KAT14: variants seen among roughly 807,000 people sequenced by gnomAD.
The protein encoded by KAT14 is lysine acetyltransferase 14, also known as cysteine-rich protein 2-binding protein.
Under a neutral mutation model 78.4 loss-of-function variants are expected in KAT14, and 66 were observed. The observed-to-expected ratio is 0.84, with a 90% CI of 0.69 to 1.03. The LOEUF (loss-of-function observed/expected upper bound fraction) is 1.03, where lower values mean the gene tolerates loss of function less well. Ranked by LOEUF, KAT14 falls within the 50% of genes least tolerant of loss-of-function variation. KAT14 has a pLI of 0.00. For synonymous variants in KAT14, 344 were observed against 359.4 expected (o/e 0.96, Z 0.48); for missense variants, 870 against 972.5 (o/e 0.89, Z 1.40).
intron 7 of KAT14, among the ~76,000 whole-genome samples, chr20:18,167,716 G>A (rs956344553): frequency 6.6e-6 from 1 of 151,972 alleles, no homozygotes; most frequent in Non-Finnish European, 1.5e-5. Context: ...GCTATGTTTT[G>A]GTAATTGATG....
intron 7 of KAT14, among the ~76,000 whole-genome samples, chr20:18,163,591 A>G (rs189559929): frequency 6.6e-6 from 1 of 152,114 alleles, no homozygotes. Flanking sequence ...TTTTATTTAT[A>G]TTTCTTTGGT....
intron 10 of KAT14, among the ~76,000 whole-genome samples, chr20:18,185,698 A>C (rs969684205): frequency 6.6e-6 from 1 of 152,138 alleles, no homozygotes; most frequent in Non-Finnish European, 1.5e-5. Context: ...TTTTTAGTCA[A>C]CTTTTACTTA....
chr20:18,184,485 G>GTT (rs374086894), intron 9 of KAT14, 117 bp from the exon 10 acceptor site: 8,257 of 598,160 alleles, frequency 0.014, 37 homozygotes, highest in Non-Finnish European at 0.017. Flanking sequence ...CAGTTTTGGT[G>GTT]TTTTTTTTTT....
intron 3 of KAT14, among the ~76,000 whole-genome samples, chr20:18,148,398 T>C (rs1465729155): frequency 6.6e-6 from 1 of 152,190 alleles, no homozygotes; most frequent in African/African-American, 2.4e-5. Context: ...AGTTTTTGCA[T>C]TCTTTTCCTG....
At position 18,162,942 on chromosome 20, in the gene KAT14, C is replaced by G. The variant is rs751054844; in HGVS notation, c.1665C>G (p.Tyr555Ter). Residue 555 changes from tyrosine to a stop codon, truncating the protein, a stop_gained, in exon 7 of 11, where the codon TAC (tyrosine) becomes TAG (stop). Coordinates refer to ENST00000688188, the MANE Select transcript of KAT14 (RefSeq NM_001392073.1). LOFTEE classifies it high-confidence loss of function. ...AGGACTTCAGAATCCTTGACCGATA[C>G]CAGGTGAATGCAAGCACTTGCTGTA... ...TCQDFRILDR[Y>*]QTSLPSRKGF... is the part of the protein sequence containing the mutation. 5 of 1,613,368 alleles carry G rather than the reference C, an allele frequency of 3.1e-6. No individual in the cohort carries two copies. In the South Asian group the frequency reaches 4.4e-5, roughly 14 times the overall value.
Position 18,183,272 on chromosome 20 carries a change from C to T in KAT14, c.1955C>T (p.Ser652Phe), listed in dbSNP as rs371662156. 105 of 1,613,866 alleles carry T rather than the reference C, an allele frequency of 6.5e-5. No homozygotes were observed. Among genetic ancestry groups the T allele is most frequent in the Non-Finnish European group, 7.8e-5 (92 of 1,179,982 alleles). ...VRPNHIPTIN[S>F]MCQEFFWPGI... ...CCAAATCACATCCCAACGATCAACT[C>T]CATGTGTCAGGAGTTTTTTTGGCCT... is the stretch of plus-strand genomic sequence containing the variant. The change falls in exon 9 of 11, where the codon TCC (serine) becomes TTC (phenylalanine). Residue 652 changes from serine to phenylalanine, a missense_variant. Physicochemically the swap from Ser to Phe is radical, Grantham distance 155 (BLOSUM62 -2). Transcript: ENST00000688188.
chr20:18,164,657 C>T (rs528064294), intron 7 of KAT14, among the ~76,000 whole-genome samples: 1 of 147,176 alleles, frequency 6.8e-6, no homozygotes, highest in African/African-American at 2.5e-5. Flanking sequence ...CTCTCTGTCA[C>T]GCAGGTTGGA....
intron 1 of KAT14, among the ~76,000 whole-genome samples, chr20:18,141,435 T>C (rs904315917): frequency 6.6e-6 from 1 of 152,214 alleles, no homozygotes; most frequent in Admixed American, 6.5e-5. Context: ...TTGTTAACTT[T>C]ACATGCTAGA....
intron 7 of KAT14, among the ~76,000 whole-genome samples, chr20:18,172,724 C>G (rs899963184): frequency 1.3e-5 from 2 of 152,214 alleles, no homozygotes; most frequent in Admixed American, 6.5e-5. Context: ...AACATCTTTG[C>G]CATATCTCAG....
chr20:18,149,404 C>T (rs1172448534), intron 3 of KAT14, among the ~76,000 whole-genome samples: 1 of 152,136 alleles, frequency 6.6e-6, no homozygotes, highest in Non-Finnish European at 1.5e-5. Flanking sequence ...TGTTTGTTGG[C>T]TGATGTAGAC....
intron 7 of KAT14, among the ~76,000 whole-genome samples, chr20:18,175,300 A>G (rs117826196): frequency 2.6e-5 from 4 of 151,970 alleles, no homozygotes; most frequent in Non-Finnish European, 2.9e-5. Flanking sequence ...ATCCACCCTC[A>G]CCCAGGAAGG....
intron 4 of KAT14, among the ~76,000 whole-genome samples, chr20:18,157,370 C>T (rs2146406691): frequency 6.6e-6 from 1 of 152,294 alleles, no homozygotes; most frequent in East Asian, 1.9e-4. Flanking sequence ...CACGTGCCAT[C>T]ACACCCAGCT....
chr20:18,139,251 TTGGAATAGAGGCAGAAGACTTCCG>T (rs1262930981), intron 1 of KAT14, among the ~76,000 whole-genome samples: 1 of 152,162 alleles, frequency 6.6e-6, no homozygotes, highest in African/African-American at 2.4e-5. Flanking sequence ...GGGCTGGCTT[TTGGAATAGAGGCAGAAGACTTCCG>T]CCTCTTACAA....
intron 9 of KAT14, among the ~76,000 whole-genome samples, chr20:18,183,834 C>A (rs1458321984): frequency 6.6e-6 from 1 of 152,230 alleles, no homozygotes; most frequent in Non-Finnish European, 1.5e-5. Flanking sequence ...TAAAGGAACA[C>A]ATTTGCATTG....
intron 7 of KAT14, among the ~76,000 whole-genome samples, chr20:18,167,708 T>C (rs1350867180): frequency 6.6e-6 from 1 of 152,332 alleles, no homozygotes; most frequent in East Asian, 1.9e-4. Context: ...AATTTTAAGC[T>C]ATGTTTTGGT....
At chr20:18,164,888 C>T (rs1600229241) in intron 7 of KAT14, among the ~76,000 whole-genome samples, 2 of 152,180 alleles carry the variant, frequency 1.3e-5, no homozygotes, top group East Asian at 3.9e-4. Flanking sequence ...TCCCAAAGTG[C>T]TGGGATTACA....
chr20:18,171,190 C>T (rs2146475996), intron 7 of KAT14, among the ~76,000 whole-genome samples: 1 of 152,218 alleles, frequency 6.6e-6, no homozygotes, highest in Non-Finnish European at 1.5e-5. Context: ...TTCCAAGCCT[C>T]ATGGATGACT....
At chr20:18,151,449 G>A (rs1216199528) in intron 4 of KAT14, among the ~76,000 whole-genome samples, 2 of 151,392 alleles carry the variant, frequency 1.3e-5, no homozygotes, top group African/African-American at 4.8e-5. Context: ...TGTCTGCCTC[G>A]GCTTCCCAAA....
chr20:18,140,022 A>G (rs1486408842), intron 1 of KAT14, among the ~76,000 whole-genome samples: 1 of 152,164 alleles, frequency 6.6e-6, no homozygotes, highest in Non-Finnish European at 1.5e-5. Flanking sequence ...CACAGGAAGG[A>G]TGTGTGAGGC....
Sources: gnomAD v4.1 joint callset for allele counts (sites outside exome capture counted in the v4.1 genomes callset) on GRCh38, gnomAD v4.1.1 for gene constraint, MANE v1.5 for transcripts, NCBI Gene and HGNC (gene_info 2026-07-23, HGNC 2026-07-21) for gene names.